Variants in FSD1L observed in about 807,000 individuals in gnomAD.
The protein encoded by FSD1L is FSD1-like protein.
FSD1L carries 45 observed loss-of-function variants against 71.6 expected under a neutral mutation model. That is an observed-to-expected ratio of 0.63 (90% CI 0.49 to 0.81). The LOEUF (loss-of-function observed/expected upper bound fraction) is 0.81. FSD1L is among the 30% of genes least tolerant of loss of function. The probability of loss-of-function intolerance (pLI) is 0.00; values close to 1 mark genes in which losing one functional copy is unlikely to be tolerated. For missense variants in FSD1L, 561 were observed against 618.1 expected, an observed-to-expected ratio of 0.91 and a Z score of 0.98; for synonymous variants, 197 against 207.2, an observed-to-expected ratio of 0.95 and a Z score of 0.42.
chr9:105,521,832 G>C, intron 10 of FSD1L: 1 of 1,612,444 alleles, frequency 6.2e-7, no homozygotes, highest in South Asian at 1.1e-5. Context: ...TACCCAGGCA[G>C]TTTTGCAGGT....
At chr9:105,536,628 TTTTTG>T (rs940203157) in intron 12 of FSD1L, among the ~76,000 whole-genome samples, 3 of 152,136 alleles carry the variant, frequency 2.0e-5, no homozygotes, top group Admixed American at 1.3e-4. Context: ...GTTTTGGTTT[TTTTTG>T]TTTTGTTTTG....
intron 7 of FSD1L, among the ~76,000 whole-genome samples, chr9:105,492,661 A>G (rs1833036111): frequency 6.6e-6 from 1 of 152,036 alleles, no homozygotes; most frequent in Non-Finnish European, 1.5e-5. Flanking sequence ...CCCTCTACAC[A>G]CTGCTTTGAA....
Position 105,535,053 on chromosome 9 carries a change from C to T in FSD1L, c.1127-14C>T. On this transcript the variant is annotated splice_polypyrimidine_tract_variant and intron_variant, in intron 11 of 13. Transcript: ENST00000481272. ...GAAGAGATGAGTCAAATCTACCTTT[C>T]TGATCTTTTGTAGGAGACACTGCTA... 1 of 1,551,244 alleles carries T rather than the reference C, an allele frequency of 6.4e-7. No homozygotes were observed. Among genetic ancestry groups the T allele is most frequent in the Non-Finnish European group, 8.7e-7 (1 of 1,146,766 alleles).
rs188989563 is a variant in FSD1L at position 105,464,357 on chromosome 9, G to A, written c.207+26G>A. 81 of 1,158,822 alleles carry A rather than the reference G, an allele frequency of 7.0e-5. No homozygotes were observed. The Middle Eastern group carries it at 1.2e-3, about 17-fold the overall frequency. The allele number at this position is 1,158,822 out of a possible 1,614,324, so 71.8% of individuals were successfully genotyped here. A position where few individuals can be genotyped will look rare whatever the true frequency, so the allele number is the denominator to read the frequency against. ...GTATGATTGTTTTATGAAAAATTTT[G>A]TGTAAATATGTCACAATGAGCCAAA... is the stretch of plus-strand genomic sequence containing the variant. On this transcript the variant is annotated intron_variant, in intron 3 of 13. Coordinates refer to ENST00000481272, the MANE Select transcript of FSD1L (RefSeq NM_001145313.3).
intron 1 of FSD1L, among the ~76,000 whole-genome samples, chr9:105,454,963 A>G (rs2131579550): frequency 6.6e-6 from 1 of 152,346 alleles, no homozygotes; most frequent in East Asian, 1.9e-4. Flanking sequence ...TATTATGATT[A>G]GATTCCTGAA....
Position 105,522,158 on chromosome 9 carries a change from G to A in FSD1L, c.1025+9222G>A, listed in dbSNP as rs1301118426. ...CCTGGATCAAAGCAAACCTAAATGT[G>A]TACATCTCCCGAGAACTTTGGGATG... On this transcript the variant is annotated intron_variant, in intron 10 of 13. Coordinates refer to ENST00000481272, the MANE Select transcript of FSD1L (RefSeq NM_001145313.3). The A allele has an allele frequency of 4.3e-6, 7 of 1,613,976 alleles. No individual in the cohort carries two copies. The Admixed American group carries it at 5.0e-5, about 12-fold the overall frequency.
intron 1 of FSD1L, among the ~76,000 whole-genome samples, chr9:105,457,699 G>C (rs1317328021): frequency 6.6e-6 from 1 of 152,258 alleles, no homozygotes; most frequent in Admixed American, 6.5e-5. Context: ...GGCAGGCTGT[G>C]CTTAGCTCAT....
intron 7 of FSD1L, among the ~76,000 whole-genome samples, chr9:105,504,036 C>T (rs948206851): frequency 5.3e-5 from 8 of 152,216 alleles, no homozygotes; most frequent in Non-Finnish European, 1.2e-4. Context: ...GTCCTACTCA[C>T]CAATTAAGTG....
chr9:105,451,815 T>G (rs529764021), intron 1 of FSD1L, among the ~76,000 whole-genome samples: 1 of 152,188 alleles, frequency 6.6e-6, no homozygotes, highest in Non-Finnish European at 1.5e-5. Context: ...ATTTGTACCT[T>G]TTTAGAATCT....
At chr9:105,480,307 T>A (rs1489571362) in intron 6 of FSD1L, among the ~76,000 whole-genome samples, 1 of 151,906 alleles carries the variant, frequency 6.6e-6, no homozygotes, top group Non-Finnish European at 1.5e-5. Flanking sequence ...TTTTTTTTTT[T>A]TTTGAGGCAG....
At chr9:105,466,318 C>T (rs1340553898) in intron 3 of FSD1L, among the ~76,000 whole-genome samples, 1 of 152,160 alleles carries the variant, frequency 6.6e-6, no homozygotes, top group Non-Finnish European at 1.5e-5. Context: ...CCAAAGTAAT[C>T]TACAGATTCA....
intron 9 of FSD1L, 104 bp downstream of exon 9, chr9:105,508,819 C>T: frequency 1.6e-6 from 1 of 630,000 alleles, no homozygotes; most frequent in East Asian, 3.2e-5. Flanking sequence ...AATTACTTCT[C>T]TACTTCTCCT....
Position 105,464,251 on chromosome 9 carries a change from A to G in FSD1L, c.127A>G (p.Ile43Val). Reference protein sequence around the residue: ...INLQQEALQRIISTLANKNDE... With the variant: ...INLQQEALQRVISTLANKNDE... The stretch of plus-strand genomic sequence containing the variant: ...TTAATTCTAGGAAGCTCTACAGAGG[A>G]TCATTTCAACTCTGGCAAATAAAAA... The change falls in exon 3 of 14, where the codon ATC (isoleucine) becomes GTC (valine). Residue 43 changes from isoleucine to valine, a missense_variant. By Grantham distance (29) the Ile-to-Val change is conservative (BLOSUM62 3). This residue lies in a region of FSD1L where 410 missense variants were observed against 413.5 expected (regional missense o/e 0.99). Transcript: ENST00000481272. 1 of 1,511,718 alleles carries G rather than the reference A, an allele frequency of 6.6e-7. No homozygotes were observed. Among genetic ancestry groups the G allele is most frequent in the Non-Finnish European group, 9.0e-7 (1 of 1,114,850 alleles). The allele number at this position is 1,511,718 out of a possible 1,614,324, so 93.6% of individuals were successfully genotyped here. A position where few individuals can be genotyped will look rare whatever the true frequency, so the allele number is the denominator to read the frequency against.
chr9:105,469,717 T>C (rs566723680), intron 4 of FSD1L, among the ~76,000 whole-genome samples: 4,822 of 137,498 alleles, frequency 0.035, 277 homozygotes, highest in African/African-American at 0.12. Context: ...TTTTTTTTTT[T>C]CCCATTTTGT....
intron 7 of FSD1L, among the ~76,000 whole-genome samples, chr9:105,496,998 T>G (rs1291167536): frequency 1.3e-5 from 2 of 152,178 alleles, no homozygotes; most frequent in Admixed American, 6.6e-5. Context: ...TAGCTGTAAT[T>G]TTTTTTGTAG....
At chr9:105,454,008 A>T (rs111718802) in intron 1 of FSD1L, among the ~76,000 whole-genome samples, 1,802 of 152,338 alleles carry the variant, frequency 0.012, 53 homozygotes, top group African/African-American at 0.042. Context: ...CTAATTTATT[A>T]AAAAAGTATT....
intron 7 of FSD1L, among the ~76,000 whole-genome samples, chr9:105,498,204 T>TATG (rs1833540709): frequency 6.8e-6 from 1 of 146,562 alleles, no homozygotes; most frequent in Non-Finnish European, 1.5e-5. Context: ...TTATTATTAT[T>TATG]ATTATTATTA....
chr9:105,456,026 C>G (rs1431252633), intron 1 of FSD1L, among the ~76,000 whole-genome samples: 1 of 152,146 alleles, frequency 6.6e-6, no homozygotes, highest in Non-Finnish European at 1.5e-5. Flanking sequence ...TAATTATGAC[C>G]ACATGGATGC....
chr9:105,513,623 A>G, intron 10 of FSD1L: 4 of 1,533,522 alleles, frequency 2.6e-6, no homozygotes, highest in Non-Finnish European at 3.5e-6. Context: ...CACTGAAGAA[A>G]CATACAAGGT....
Sources: gnomAD v4.1 joint callset for allele counts (sites outside exome capture counted in the v4.1 genomes callset) on GRCh38, gnomAD v4.1.1 for gene constraint, gnomAD v4.1.1 regional missense constraint, MANE v1.5 for transcripts, NCBI Gene and HGNC (gene_info 2026-07-23, HGNC 2026-07-21) for gene names.